The following TMTC2 variants were observed in gnomAD, a reference collection of about 807,000 sequenced individuals.
The protein encoded by TMTC2 is transmembrane O-mannosyltransferase targeting cadherins 2.
In TMTC2, 43 loss-of-function variants were observed where a neutral mutation model predicts 82.4. That is an observed-to-expected ratio of 0.52 (90% confidence interval 0.41 to 0.67). The LOEUF (loss-of-function observed/expected upper bound fraction) is 0.67, where lower values mean the gene tolerates loss of function less well. Ranked by LOEUF, TMTC2 falls within the 30% of genes least tolerant of loss-of-function variation. The probability of loss-of-function intolerance (pLI) is 0.00; values close to 1 mark genes in which losing one functional copy is unlikely to be tolerated. For missense variants in TMTC2, 919 were observed against 1,012.4 expected, an observed-to-expected ratio of 0.91 and a Z score of 1.25; for synonymous variants, 408 against 381.9, an observed-to-expected ratio of 1.07 and a Z score of -0.80.
chr12:83,072,823 G>C (rs1294664872), intron 11 of TMTC2, among the ~76,000 whole-genome samples: 1 of 152,046 alleles, frequency 6.6e-6, no homozygotes, highest in Non-Finnish European at 1.5e-5. Flanking sequence ...TGCTACCCCT[G>C]CTCATTTTTT....
chr12:83,039,843 G>C (rs7962040), intron 9 of TMTC2, among the ~76,000 whole-genome samples: 13,786 of 152,186 alleles, frequency 0.091, 1,572 homozygotes, highest in African/African-American at 0.26. Flanking sequence ...AGAAAGAAAT[G>C]AAACTGTGTT....
chr12:82,953,851 A>C (rs1877476650), intron 4 of TMTC2, among the ~76,000 whole-genome samples: 1 of 152,138 alleles, frequency 6.6e-6, no homozygotes, highest in Non-Finnish European at 1.5e-5. Context: ...AAAAAAAAAA[A>C]ACCCTTAGTT....
chr12:83,078,887 C>A (rs75618509), intron 11 of TMTC2, among the ~76,000 whole-genome samples: 4,573 of 151,710 alleles, frequency 0.03, 94 homozygotes, highest in East Asian at 0.13. Flanking sequence ...ACATTAGAGA[C>A]CTTGTAATAA....
rs891986955 is a variant in TMTC2 at position 82,960,076 on chromosome 12, T to A, written c.1599-4948T>A. Among the ~76,000 whole-genome samples the A allele has an allele frequency of 3.9e-5, 6 of 151,990 alleles. No individual in the cohort carries two copies. The South Asian group carries it at 8.3e-4, about 21-fold the overall frequency. ...CAACAAACATAAAAAATGCTCGACA[T>A]CACTCATCATCAGAGAAATGCAAAT... On this transcript the variant is annotated intron_variant, in intron 4 of 11. Coordinates refer to ENST00000321196, the MANE Select transcript of TMTC2 (RefSeq NM_152588.3).
intron 9 of TMTC2, among the ~76,000 whole-genome samples, chr12:83,036,479 T>A (rs866984310): frequency 0.077 from 10,380 of 135,422 alleles, 722 homozygotes; most frequent in East Asian, 0.24. Flanking sequence ...TCCCCGAGTC[T>A]TTTTTTTTTT....
chr12:82,959,558 A>C (rs1877802958), intron 4 of TMTC2, among the ~76,000 whole-genome samples: 1 of 152,132 alleles, frequency 6.6e-6, no homozygotes, highest in East Asian at 1.9e-4. Flanking sequence ...AATTTGACCA[A>C]AGTAAGCAAT....
chr12:82,829,396 G>A (rs1869626503), intron 1 of TMTC2, among the ~76,000 whole-genome samples: 1 of 152,150 alleles, frequency 6.6e-6, no homozygotes, highest in Admixed American at 6.5e-5. Context: ...CTTGTGAGTA[G>A]CAAATCCAGG....
intron 11 of TMTC2, among the ~76,000 whole-genome samples, chr12:83,123,828 T>G (rs2137564872): frequency 6.6e-6 from 1 of 152,244 alleles, no homozygotes; most frequent in Admixed American, 6.5e-5. Context: ...ATTCTGGGAG[T>G]CTAAGAGACC....
chr12:83,016,967 T>G (rs391033), intron 8 of TMTC2, among the ~76,000 whole-genome samples: 6 of 152,222 alleles, frequency 3.9e-5, no homozygotes, highest in African/African-American at 1.4e-4. Flanking sequence ...ATATTTCTGT[T>G]CTTACTATAT....
chr12:82,897,227 T>C (rs1043091257), intron 3 of TMTC2, among the ~76,000 whole-genome samples: 10 of 152,240 alleles, frequency 6.6e-5, no homozygotes, highest in Admixed American at 3.9e-4. Flanking sequence ...TAGCAAGTTT[T>C]TACTTGAGTT....
intron 11 of TMTC2, among the ~76,000 whole-genome samples, chr12:83,115,014 C>G (rs1026192888): frequency 6.6e-6 from 1 of 151,846 alleles, no homozygotes; most frequent in Non-Finnish European, 1.5e-5. Context: ...ATATTATAAG[C>G]GCAAATCTCA....
At chr12:82,987,803 A>T (rs771200024) in intron 8 of TMTC2, among the ~76,000 whole-genome samples, 2 of 152,122 alleles carry the variant, frequency 1.3e-5, no homozygotes, top group African/African-American at 4.8e-5. Context: ...AAAGGACAAC[A>T]TAAGTTTGTC....
chr12:82,788,272 A>G (rs995192659), intron 1 of TMTC2, among the ~76,000 whole-genome samples: 2 of 152,132 alleles, frequency 1.3e-5, no homozygotes, highest in Admixed American at 6.6e-5. Flanking sequence ...ATACCTTCTG[A>G]CCCTTTATAT....
chr12:82,741,234 G>GGTTT (rs571449081), intron 1 of TMTC2, among the ~76,000 whole-genome samples: 2 of 152,126 alleles, frequency 1.3e-5, no homozygotes, highest in African/African-American at 4.8e-5. Flanking sequence ...TTCCTGAGGT[G>GGTTT]GTTTGTTTGT....
intron 1 of TMTC2, among the ~76,000 whole-genome samples, chr12:82,794,162 A>G (rs971666291): frequency 1.9e-4 from 29 of 152,162 alleles, no homozygotes; most frequent in African/African-American, 7.0e-4. Flanking sequence ...TGCTGGCCTC[A>G]GCTGGCATGT....
intron 11 of TMTC2, among the ~76,000 whole-genome samples, chr12:83,086,064 C>CTT (rs112712717): frequency 6.9e-6 from 1 of 145,106 alleles, no homozygotes; most frequent in African/African-American, 2.5e-5. Flanking sequence ...TGATTGTTTT[C>CTT]TTTTTTTTTT....
chr12:82,937,701 GGTGTGTGT>G (rs146657948), intron 4 of TMTC2, among the ~76,000 whole-genome samples: 5 of 73,244 alleles, frequency 6.8e-5, no homozygotes, highest in African/African-American at 2.0e-4. Context: ...AAATGTCAAT[GGTGTGTGT>G]GTGTGTGTGT....
chr12:83,053,939 G>T (rs1036032888), intron 10 of TMTC2, among the ~76,000 whole-genome samples: 1 of 152,002 alleles, frequency 6.6e-6, no homozygotes, highest in African/African-American at 2.4e-5. Flanking sequence ...AAGTTTGCTT[G>T]GCCCTTTGTT....
intron 8 of TMTC2, among the ~76,000 whole-genome samples, chr12:83,011,428 T>C (rs1416046866): frequency 2.6e-5 from 4 of 152,230 alleles, no homozygotes; most frequent in African/African-American, 9.6e-5. Flanking sequence ...CTTAGAACAA[T>C]GTCTGGTCAA....
Sources: allele counts gnomAD v4.1 joint callset (sites outside exome capture counted in the v4.1 genomes callset), GRCh38; gene constraint gnomAD v4.1.1; transcripts MANE v1.5; gene names NCBI Gene and HGNC (gene_info 2026-07-23, HGNC 2026-07-21).